MBD5: variants seen among roughly 807,000 people sequenced by gnomAD.
The protein encoded by MBD5 is methyl-CpG binding domain protein 5, also known as methyl-CpG-binding domain protein 5.
Under a neutral mutation model 117.3 loss-of-function variants are expected in MBD5, and 13 were observed. That is an observed-to-expected ratio of 0.11 (90% CI 0.07 to 0.18). The LOEUF is 0.18. Among genes scored for constraint, MBD5 ranks in the 10% least tolerant of loss-of-function variants. MBD5 has a pLI of 1.00. For synonymous variants in MBD5, 727 were observed against 766.4 expected (o/e 0.95, Z 0.85); for missense variants, 1,879 against 2,093.8 (o/e 0.90, Z 2.00).
At chr2:148,499,196 G>A (rs574907864) in intron 11 of MBD5, among the ~76,000 whole-genome samples, 1 of 152,146 alleles carries the variant, frequency 6.6e-6, no homozygotes, top group Admixed American at 6.5e-5. Context: ...CAGCTACTAA[G>A]GAGACTGAGG....
chr2:148,222,172 T>C (rs1326850125), intron 2 of MBD5, among the ~76,000 whole-genome samples: 3 of 152,206 alleles, frequency 2.0e-5, no homozygotes, highest in African/African-American at 7.2e-5. Context: ...CTCTGTAGTA[T>C]AATTTGAAGT....
intron 11 of MBD5, among the ~76,000 whole-genome samples, chr2:148,495,994 T>G (rs1270386796): frequency 6.6e-6 from 1 of 152,214 alleles, no homozygotes; most frequent in Non-Finnish European, 1.5e-5. Context: ...CCTGTGATGT[T>G]CAGACATTTT....
At chr2:148,477,170 C>T (rs1030762036) in intron 8 of MBD5, among the ~76,000 whole-genome samples, 2 of 152,082 alleles carry the variant, frequency 1.3e-5, no homozygotes, top group Admixed American at 6.6e-5. Flanking sequence ...ATCACCACCA[C>T]GAGACTGAAA....
intron 1 of MBD5, among the ~76,000 whole-genome samples, chr2:148,080,715 T>A (rs937768914): frequency 1.3e-5 from 2 of 152,146 alleles, no homozygotes; most frequent in African/African-American, 4.8e-5. Flanking sequence ...TATGAAGTAG[T>A]GAAAAATACA....
rs992209040 is a variant in MBD5 at position 148,514,064 on chromosome 2, G to A, written c.*1123G>A. The A allele has an allele frequency of 2.6e-5, 4 of 152,098 alleles. No individual in the cohort carries two copies. The highest frequency in any genetic ancestry group is 9.7e-5 in the African/African-American group (4 of 41,402). The allele number at this position is 152,098 out of a possible 1,614,324, so 9.4% of individuals were successfully genotyped here. A position where few individuals can be genotyped will look rare whatever the true frequency, so the allele number is the denominator to read the frequency against. On this transcript the variant is annotated 3_prime_UTR_variant, in exon 14 of 14. Coordinates refer to ENST00000642680, the MANE Select transcript of MBD5 (RefSeq NM_001378120.1). ...AGTATTACTTAACCCAGAAGTTAAGGTGGCTTACGGAATTATTAGCAATGG... is the reference window on the plus strand; with the variant it reads ...AGTATTACTTAACCCAGAAGTTAAGATGGCTTACGGAATTATTAGCAATGG...
chr2:148,354,541 G>A (rs575831590), intron 4 of MBD5, among the ~76,000 whole-genome samples: 1 of 152,268 alleles, frequency 6.6e-6, no homozygotes, highest in East Asian at 1.9e-4. Context: ...TTGGTTCCAG[G>A]TCTTTGCTAT....
At chr2:148,434,837 A>C (rs1170158072) in intron 4 of MBD5, among the ~76,000 whole-genome samples, 4 of 152,152 alleles carry the variant, frequency 2.6e-5, no homozygotes, top group South Asian at 4.1e-4. Context: ...TGATCTGTCT[A>C]ATACTGTCAG....
At chr2:148,128,624 T>C (rs1696960141) in intron 1 of MBD5, among the ~76,000 whole-genome samples, 1 of 152,200 alleles carries the variant, frequency 6.6e-6, no homozygotes, top group African/African-American at 2.4e-5. Context: ...TTTTTGTACT[T>C]AAAAAGCAGT....
rs113386382 is a variant in MBD5, at chr2:148,512,991, A to G, written c.*50A>G. Reference sequence around the variant, plus strand: ...GTGTTTATTAAAGGAACATGCACAGATGTATCTGTATATAGGTATTGATAT... The same window carrying G: ...GTGTTTATTAAAGGAACATGCACAGGTGTATCTGTATATAGGTATTGATAT... On this transcript the variant is annotated 3_prime_UTR_variant, in exon 14 of 14. Transcript: ENST00000642680. 6.4e-5 allele frequency: 96 copies of G among 1,502,914 alleles called. No individual in the cohort carries two copies. In the African/African-American group the frequency reaches 1.0e-3, roughly 16 times the overall value. 93.1% of individuals were successfully genotyped at this position (1,502,914 alleles called of 1,614,324 possible). A position where few individuals can be genotyped will look rare whatever the true frequency, so the allele number is the denominator to read the frequency against.
At chr2:148,155,436 T>C (rs1574076585) in intron 1 of MBD5, among the ~76,000 whole-genome samples, 2 of 152,208 alleles carry the variant, frequency 1.3e-5, no homozygotes, top group East Asian at 3.8e-4. Flanking sequence ...TGGTCCTGAA[T>C]TCCTGTTTTC....
At chr2:148,385,532 C>G (rs1704324379) in intron 4 of MBD5, among the ~76,000 whole-genome samples, 1 of 152,066 alleles carries the variant, frequency 6.6e-6, no homozygotes, top group Non-Finnish European at 1.5e-5. Context: ...CTGGTTCAAC[C>G]ATTGTGGAAG....
At chr2:148,354,924 C>T (rs909431293) in intron 4 of MBD5, among the ~76,000 whole-genome samples, 2 of 151,916 alleles carry the variant, frequency 1.3e-5, no homozygotes, top group African/African-American at 4.8e-5. Flanking sequence ...TGTTCATATC[C>T]TTTGCTCACT....
chr2:148,371,668 G>T (rs1288234131), intron 4 of MBD5, among the ~76,000 whole-genome samples: 1 of 152,064 alleles, frequency 6.6e-6, no homozygotes, highest in Non-Finnish European at 1.5e-5. Flanking sequence ...TCAAGTCAAG[G>T]CCTGTTTATT....
At chr2:148,296,607 G>C (rs76406183) in intron 3 of MBD5, 1,835 of 177,202 alleles carry the variant, frequency 0.01, 18 homozygotes, top group East Asian at 0.03. Context: ...ACTGGAAACT[G>C]TTCTGGGCCA....
chr2:148,446,289 C>T (rs947911958), intron 4 of MBD5, among the ~76,000 whole-genome samples: 2 of 151,930 alleles, frequency 1.3e-5, no homozygotes, highest in African/African-American at 4.8e-5. Context: ...GTCTTTAATC[C>T]ATCTTGAATT....
intron 4 of MBD5, among the ~76,000 whole-genome samples, chr2:148,447,196 AAAG>A (rs1706576877): frequency 2.0e-4 from 2 of 10,020 alleles, no homozygotes; most frequent in African/African-American, 2.3e-4. Flanking sequence ...AGAAAGAAAG[AAAG>A]AAAGAAAGAA....
intron 3 of MBD5, among the ~76,000 whole-genome samples, chr2:148,295,067 A>G (rs531229788): frequency 6.6e-6 from 1 of 152,258 alleles, no homozygotes; most frequent in South Asian, 2.1e-4. Flanking sequence ...GAGCTTCTTC[A>G]GTAGGTCAGT....
intron 1 of MBD5, among the ~76,000 whole-genome samples, chr2:148,141,959 G>A (rs1318687527): frequency 2.0e-5 from 3 of 151,852 alleles, no homozygotes; most frequent in Non-Finnish European, 4.4e-5. Flanking sequence ...CTGGGCAACA[G>A]ACCAAGGCAC....
At chr2:148,056,911 C>G (rs1694881120) in intron 1 of MBD5, among the ~76,000 whole-genome samples, 2 of 151,302 alleles carry the variant, frequency 1.3e-5, no homozygotes, top group Admixed American at 6.6e-5. Context: ...TTTTAGTTGT[C>G]AAAGGATTAT....
Sources: allele counts gnomAD v4.1 joint callset (sites outside exome capture counted in the v4.1 genomes callset), GRCh38; gene constraint gnomAD v4.1.1; transcripts MANE v1.5; gene names NCBI Gene and HGNC (gene_info 2026-07-23, HGNC 2026-07-21).